FRMD4A: variants seen among roughly 807,000 people sequenced by gnomAD.
FRMD4A encodes the protein FERM domain-containing protein 4A.
In FRMD4A, 29 loss-of-function variants were observed where a neutral mutation model predicts 129.1. The observed-to-expected ratio is 0.22, with a 90% CI of 0.17 to 0.31. FRMD4A has a LOEUF of 0.31. FRMD4A is among the 10% of genes least tolerant of loss of function. FRMD4A has a pLI of 1.00. For synonymous variants in FRMD4A, 634 were observed against 571.6 expected, an observed-to-expected ratio of 1.11 and a Z score of -1.56; for missense variants, 1,272 against 1,375.8, an observed-to-expected ratio of 0.92 and a Z score of 1.19.
At chr10:13,828,145 G>T (rs2093731792) in intron 3 of FRMD4A, among the ~76,000 whole-genome samples, 1 of 152,218 alleles carries the variant, frequency 6.6e-6, no homozygotes, top group South Asian at 2.1e-4. Flanking sequence ...TGAAAGCAGG[G>T]ATGGTATTAT....
At chr10:14,264,783 A>G (rs1270471623) in intron 2 of FRMD4A, among the ~76,000 whole-genome samples, 1 of 152,108 alleles carries the variant, frequency 6.6e-6, no homozygotes, top group Non-Finnish European at 1.5e-5. Context: ...CTTGGAAAAG[A>G]AACACTTTTT....
intron 2 of FRMD4A, among the ~76,000 whole-genome samples, chr10:13,870,008 T>G (rs1165212725): frequency 6.6e-6 from 1 of 152,216 alleles, no homozygotes; most frequent in Non-Finnish European, 1.5e-5. Context: ...GTATTATTAT[T>G]ATTAATCATT....
At chr10:13,869,787 C>T (rs904071043) in intron 2 of FRMD4A, among the ~76,000 whole-genome samples, 6 of 152,332 alleles carry the variant, frequency 3.9e-5, no homozygotes, top group African/African-American at 1.4e-4. Flanking sequence ...TTCTTTACCT[C>T]CATTTCGAGT....
At chr10:13,716,273 T>C (rs2088793599) in intron 12 of FRMD4A, among the ~76,000 whole-genome samples, 1 of 152,182 alleles carries the variant, frequency 6.6e-6, no homozygotes, top group African/African-American at 2.4e-5. Flanking sequence ...ATTTTCCTGT[T>C]ATGACTTCTA....
At chr10:13,719,246 T>C (rs557174348) in intron 12 of FRMD4A, among the ~76,000 whole-genome samples, 15 of 152,238 alleles carry the variant, frequency 9.9e-5, no homozygotes, top group Middle Eastern at 3.4e-3. Flanking sequence ...GGAGGGACAA[T>C]GGTAAGAGCC....
intron 2 of FRMD4A, among the ~76,000 whole-genome samples, chr10:14,212,194 G>A (rs1842951358): frequency 6.6e-6 from 1 of 152,080 alleles, no homozygotes; most frequent in Admixed American, 6.5e-5. Flanking sequence ...ACTAACAAGG[G>A]GCCACCACCG....
At chr10:14,020,151 C>T (rs1196002151) in intron 2 of FRMD4A, among the ~76,000 whole-genome samples, 1 of 152,230 alleles carries the variant, frequency 6.6e-6, no homozygotes, top group East Asian at 1.9e-4. Flanking sequence ...GGCATTGGTG[C>T]AGGATCCTGC....
At chr10:14,319,461 T>C (rs1357385777) in intron 2 of FRMD4A, among the ~76,000 whole-genome samples, 2 of 150,590 alleles carry the variant, frequency 1.3e-5, no homozygotes, top group East Asian at 3.9e-4. Context: ...CGGCCATGCC[T>C]ACAGAAATCT....
At chr10:13,993,852 T>TAA (rs397695448) in intron 2 of FRMD4A, among the ~76,000 whole-genome samples, 87 of 151,274 alleles carry the variant, frequency 5.8e-4, no homozygotes, top group African/African-American at 1.2e-3. Flanking sequence ...TTTTTTTTTT[T>TAA]AAAAAAATAT....
At chr10:13,674,026 C>A (rs916445971) in intron 16 of FRMD4A, among the ~76,000 whole-genome samples, 7 of 151,998 alleles carry the variant, frequency 4.6e-5, no homozygotes, top group African/African-American at 1.7e-4. Context: ...CCTCAGCCTC[C>A]CAAAGTGCTA....
intron 5 of FRMD4A, among the ~76,000 whole-genome samples, chr10:13,784,442 A>G (rs1033645889): frequency 2.6e-5 from 4 of 152,246 alleles, no homozygotes; most frequent in Non-Finnish European, 4.4e-5. Context: ...AGGTGAACAA[A>G]CTGATGCCCT....
chr10:13,772,734 T>C (rs1301907606), intron 6 of FRMD4A, among the ~76,000 whole-genome samples: 1 of 152,148 alleles, frequency 6.6e-6, no homozygotes, highest in Non-Finnish European at 1.5e-5. Flanking sequence ...TTCTCACTTA[T>C]TTGTGGGAGC....
intron 2 of FRMD4A, among the ~76,000 whole-genome samples, chr10:13,944,046 C>T (rs930883148): frequency 1.8e-4 from 28 of 152,224 alleles, no homozygotes; most frequent in African/African-American, 6.5e-4. Context: ...AAGAGACCAT[C>T]TGTCCAGGTC....
chr10:13,689,686 G>T (rs1241541332), intron 15 of FRMD4A, among the ~76,000 whole-genome samples: 1 of 151,682 alleles, frequency 6.6e-6, no homozygotes, highest in African/African-American at 2.4e-5. Context: ...CCAAGTAGTG[G>T]GAAATATAAG....
At chr10:14,109,607 A>C (rs1426024651) in intron 2 of FRMD4A, among the ~76,000 whole-genome samples, 1 of 152,216 alleles carries the variant, frequency 6.6e-6, no homozygotes, top group African/African-American at 2.4e-5. Flanking sequence ...GAAAAATTGG[A>C]GCAAAATTCA....
intron 2 of FRMD4A, among the ~76,000 whole-genome samples, chr10:14,229,771 G>A (rs545261114): frequency 1.3e-5 from 2 of 152,234 alleles, no homozygotes; most frequent in South Asian, 2.1e-4. Context: ...TAAAAAGCAA[G>A]CCATTTAACA....
intron 2 of FRMD4A, among the ~76,000 whole-genome samples, chr10:14,207,842 A>G (rs1218713062): frequency 1.3e-5 from 2 of 152,162 alleles, no homozygotes; most frequent in East Asian, 1.9e-4. Context: ...TCAGTGTTAT[A>G]CAATAAGCAT....
intron 2 of FRMD4A, among the ~76,000 whole-genome samples, chr10:14,328,406 A>C (rs1843371764): frequency 1.4e-5 from 2 of 146,142 alleles, no homozygotes; most frequent in African/African-American, 2.6e-5. Flanking sequence ...AATGGATGCT[A>C]TTCATTTAAT....
At chr10:13,836,716 A>G (rs2093879780) in intron 3 of FRMD4A, among the ~76,000 whole-genome samples, 1 of 150,374 alleles carries the variant, frequency 6.7e-6, no homozygotes, top group African/African-American at 2.4e-5. Flanking sequence ...GGAAAGACTG[A>G]CTAACCAGGG....
Sources: gnomAD v4.1 joint callset for allele counts (sites outside exome capture counted in the v4.1 genomes callset) on GRCh38, gnomAD v4.1.1 for gene constraint, MANE v1.5 for transcripts, NCBI Gene and HGNC (gene_info 2026-07-23, HGNC 2026-07-21) for gene names.